The following DGKI variants were observed in gnomAD, a reference collection of about 807,000 sequenced individuals.
DGKI encodes the protein DAG kinase iota.
Under a neutral mutation model 147.5 loss-of-function variants are expected in DGKI, and 55 were observed. That is an observed-to-expected ratio of 0.37 (90% CI 0.30 to 0.47). DGKI has a LOEUF of 0.47. Ranked by LOEUF, DGKI falls within the 20% of genes least tolerant of loss-of-function variation. The pLI, the probability that DGKI is intolerant of heterozygous loss-of-function variation, is 1.00. For missense variants in DGKI, 1,007 were observed against 1,323.8 expected, an observed-to-expected ratio of 0.76 and a Z score of 3.71; for synonymous variants, 469 against 477.1, an observed-to-expected ratio of 0.98 and a Z score of 0.22.
At chr7:137,435,494 C>T (rs913373723) in intron 28 of DGKI, among the ~76,000 whole-genome samples, 1 of 152,102 alleles carries the variant, frequency 6.6e-6, no homozygotes, top group Admixed American at 6.6e-5. Context: ...ACAAGAAAGG[C>T]GAGGTCTAGA....
intron 11 of DGKI, 89 bp from the exon 12 acceptor site, chr7:137,597,996 G>T: frequency 8.7e-7 from 1 of 1,149,962 alleles, no homozygotes; most frequent in South Asian, 1.3e-5. Context: ...GGTAGGTAGG[G>T]GTGGTGTCCG....
intron 19 of DGKI, among the ~76,000 whole-genome samples, chr7:137,562,388 T>C (rs969805822): frequency 6.6e-6 from 1 of 152,060 alleles, no homozygotes; most frequent in Non-Finnish European, 1.5e-5. Context: ...ATACAAAAAT[T>C]AGCCGGCCCT....
chr7:137,825,726 ACACACT>A (rs1238489975), intron 1 of DGKI, among the ~76,000 whole-genome samples: 1 of 151,874 alleles, frequency 6.6e-6, no homozygotes, highest in African/African-American at 2.4e-5. Flanking sequence ...ATACACACAC[ACACACT>A]CAGTGGTAGG....
In DGKI at chr7:137,814,530, C is replaced by A. The variant is rs1045294397; in HGVS notation, c.401+31932G>T. Among the ~76,000 whole-genome samples the A allele has an allele frequency of 1.7e-4, 26 of 152,250 alleles. No individual in the cohort carries two copies. In the South Asian group the frequency reaches 5.0e-3, roughly 29 times the overall value. ...TTCCCAAGGCCCCTAATCCCCCACT[C>A]CCCATAGCATTCTCAGACTAGTAGC... is the stretch of plus-strand genomic sequence containing the variant. On this transcript the variant is annotated intron_variant, in intron 1 of 32. Coordinates refer to ENST00000614521, the MANE Select transcript of DGKI (RefSeq NM_001321708.2).
intron 23 of DGKI, among the ~76,000 whole-genome samples, chr7:137,475,413 C>G (rs1815135924): frequency 6.6e-6 from 1 of 152,188 alleles, no homozygotes. Context: ...TGAATGTCTT[C>G]TATCACCAAC....
rs142298038 is a variant in DGKI at position 137,623,611 on chromosome 7, T to C, written c.805-57A>G. On this transcript the variant is annotated intron_variant, in intron 6 of 32. Coordinates refer to ENST00000614521, the MANE Select transcript of DGKI (RefSeq NM_001321708.2). ...AAAACCACCTCAGTTACAGCGCACA[T>C]TTGCCCTCCTGAAGTGCAATGACGT... is the stretch of plus-strand genomic sequence containing the variant. 5.8e-5 allele frequency: 86 copies of C among 1,483,520 alleles called. No individual in the cohort carries two copies. In the African/African-American group the frequency reaches 8.6e-4, roughly 15 times the overall value. The allele number at this position is 1,483,520 out of a possible 1,614,324, so 91.9% of individuals were successfully genotyped here.
rs892124884 is a variant in DGKI, at chr7:137,383,545, T to C, written c.*7675A>G. On this transcript the variant is annotated 3_prime_UTR_variant, in exon 33 of 33. Transcript: ENST00000614521. ...CCAAGAAAATCTCACAGAGTTTTTCTAGTCCAAGATCTCTCACAATTAAAG... is the reference window on the plus strand; with the variant it reads ...CCAAGAAAATCTCACAGAGTTTTTCCAGTCCAAGATCTCTCACAATTAAAG... The C allele has an allele frequency of 6.6e-6, 1 of 151,908 alleles. No individual in the cohort carries two copies. The highest frequency in any genetic ancestry group is 2.4e-5 in the African/African-American group (1 of 41,386). 9.4% of individuals were successfully genotyped at this position (151,908 alleles called of 1,614,324 possible). A position where few individuals can be genotyped will look rare whatever the true frequency, so the allele number is the denominator to read the frequency against.
chr7:137,697,464 T>C (rs546418294), intron 1 of DGKI, among the ~76,000 whole-genome samples: 2 of 152,228 alleles, frequency 1.3e-5, no homozygotes, highest in South Asian at 2.1e-4. Flanking sequence ...AAATAAGAAA[T>C]TGAGATTGAT....
At position 137,389,613 on chromosome 7, in the gene DGKI, T is replaced by G. The variant is rs1048829393; in HGVS notation, c.*1607A>C. The G allele has an allele frequency of 6.6e-6, 1 of 152,180 alleles. No homozygotes were observed. Among genetic ancestry groups the G allele is most frequent in the African/African-American group, 2.4e-5 (1 of 41,460 alleles). The allele number at this position is 152,180 out of a possible 1,614,324, so 9.4% of individuals were successfully genotyped here. Reference sequence around the variant, plus strand: ...TCAGATTTCGCCAAAAGTAAAATCCTTGGACACCTACTTTTATTTTTGACT... The same window carrying G: ...TCAGATTTCGCCAAAAGTAAAATCCGTGGACACCTACTTTTATTTTTGACT... On this transcript the variant is annotated 3_prime_UTR_variant, in exon 33 of 33. Transcript: ENST00000614521.
At chr7:137,725,883 A>C in intron 1 of DGKI, among the ~76,000 whole-genome samples, 1 of 152,052 alleles carries the variant, frequency 6.6e-6, no homozygotes, top group East Asian at 1.9e-4. Flanking sequence ...ACCCAACGTG[A>C]TTTCTTTCGT....
intron 6 of DGKI, among the ~76,000 whole-genome samples, chr7:137,633,392 A>T (rs1821203808): frequency 6.6e-6 from 1 of 152,196 alleles, no homozygotes; most frequent in African/African-American, 2.4e-5. Context: ...TGTAAGAGGA[A>T]GCCCAAGTGA....
intron 19 of DGKI, among the ~76,000 whole-genome samples, chr7:137,568,009 T>C (rs1818650314): frequency 6.6e-6 from 1 of 152,210 alleles, no homozygotes; most frequent in South Asian, 2.1e-4. Context: ...GTGATGATAC[T>C]TGGGAGTTTG....
chr7:137,825,072 C>A (rs1407388467), intron 1 of DGKI, among the ~76,000 whole-genome samples: 1 of 152,140 alleles, frequency 6.6e-6, no homozygotes, highest in Non-Finnish European at 1.5e-5. Context: ...TGAGTATATG[C>A]CCAGTAATGG....
chr7:137,419,576 CA>C (rs1812483203), intron 28 of DGKI, among the ~76,000 whole-genome samples: 1 of 152,098 alleles, frequency 6.6e-6, no homozygotes, highest in Non-Finnish European at 1.5e-5. Flanking sequence ...TCAAACACAG[CA>C]AAGGTAATCT....
At position 137,552,301 on chromosome 7, in the gene DGKI, T is replaced by C. The variant is rs1818072878; in HGVS notation, c.2147+68A>G. 5.1e-6 allele frequency: 8 copies of C among 1,557,296 alleles called. No individual in the cohort carries two copies. In the South Asian group the frequency reaches 8.1e-5, roughly 16 times the overall value. ...CCAACACAGTGAGGTCCCCAGACCATGCACATGCTCTGCACTCTCCTCTCC... is the reference window on the plus strand; with the variant it reads ...CCAACACAGTGAGGTCCCCAGACCACGCACATGCTCTGCACTCTCCTCTCC... On this transcript the variant is annotated intron_variant, in intron 20 of 32. Coordinates refer to ENST00000614521, the MANE Select transcript of DGKI (RefSeq NM_001321708.2).
rs563767465 is a variant in DGKI at position 137,604,464 on chromosome 7, G to A, written c.1167+4502C>T. Among the ~76,000 whole-genome samples, 4 of 152,268 alleles carry A rather than the reference G, an allele frequency of 2.6e-5. No individual in the cohort carries two copies. The South Asian group carries it at 8.3e-4, about 32-fold the overall frequency. ...TTGATGTGACTGGCCCCTGACTTAGGAGGGGTGGCCCTAGTCTGAGAAAGC... is the reference window on the plus strand; with the variant it reads ...TTGATGTGACTGGCCCCTGACTTAGAAGGGGTGGCCCTAGTCTGAGAAAGC... On this transcript the variant is annotated intron_variant, in intron 10 of 32. Transcript: ENST00000614521.
intron 21 of DGKI, among the ~76,000 whole-genome samples, chr7:137,510,095 T>A (rs999689667): frequency 6.6e-6 from 1 of 152,214 alleles, no homozygotes; most frequent in Non-Finnish European, 1.5e-5. Flanking sequence ...ACCGTGGTTA[T>A]CCAGGAGCAA....
At position 137,552,412 on chromosome 7, in the gene DGKI, C is replaced by T; in HGVS notation, c.2104G>A (p.Val702Ile). 1 of 1,613,938 alleles carries T rather than the reference C, an allele frequency of 6.2e-7. No individual in the cohort carries two copies. The highest frequency in any genetic ancestry group is 8.5e-7 in the Non-Finnish European group (1 of 1,180,034). The change falls in exon 20 of 33, where the codon GTA (valine) becomes ATA (isoleucine). Residue 702 changes from valine (V) to isoleucine (I), a missense_variant. By Grantham distance (29) the Val-to-Ile change is conservative. Around this residue, in one of 5 missense-constraint regions of DGKI, gnomAD observed 224 missense variants for 382.7 expected, o/e 0.59. Transcript: ENST00000614521. ...RISLRNQANM[V>I]QKSKRRTSMP... is the part of the protein sequence containing the mutation. ...GATGTTCTCCTCTTGCTCTTCTGTA[C>T]CATGTTGGCCTGATTCCTCAGGGAG...
At chr7:137,671,725 A>T (rs1822848443) in intron 3 of DGKI, among the ~76,000 whole-genome samples, 1 of 152,184 alleles carries the variant, frequency 6.6e-6, no homozygotes, top group African/African-American at 2.4e-5. Flanking sequence ...CTCTCATATC[A>T]CATGGCCTCT....
Sources: gnomAD v4.1 joint callset for allele counts (sites outside exome capture counted in the v4.1 genomes callset) on GRCh38, gnomAD v4.1.1 for gene constraint, gnomAD v4.1.1 regional missense constraint, MANE v1.5 for transcripts, NCBI Gene and HGNC (gene_info 2026-07-23, HGNC 2026-07-21) for gene names.